The following MTA3 variants were observed in gnomAD, a reference collection of about 807,000 sequenced individuals.
MTA3 encodes the protein metastasis-associated protein MTA3.
MTA3 carries 34 observed loss-of-function variants against 83.5 expected under a neutral mutation model. The observed-to-expected ratio is 0.41, with a 90% CI of 0.31 to 0.54. MTA3 has a LOEUF of 0.54. MTA3 is among the 20% of genes least tolerant of loss of function. The pLI is 0.33. For synonymous variants in MTA3, 303 were observed against 252.7 expected (o/e 1.20, Z -1.89); for missense variants, 761 against 726.4 (o/e 1.05, Z -0.55).
chr2:42,753,226 G>C, intron 16 of MTA3, 148 bp from the exon 17 acceptor site: 1 of 1,419,176 alleles, frequency 7.0e-7, no homozygotes, highest in Admixed American at 2.1e-5. Context: ...ACCACACCTG[G>C]CCTAGTCATG....
intron 11 of MTA3, among the ~76,000 whole-genome samples, chr2:42,701,585 A>G (rs1665563236): frequency 6.6e-6 from 1 of 152,040 alleles, no homozygotes; most frequent in Non-Finnish European, 1.5e-5. Flanking sequence ...TGACAGAGTG[A>G]GACCCTCTCT....
intron 4 of MTA3, among the ~76,000 whole-genome samples, chr2:42,619,889 C>T (rs989438281): frequency 2.0e-5 from 3 of 152,052 alleles, no homozygotes; most frequent in Non-Finnish European, 4.4e-5. Context: ...TAGTTGTGTT[C>T]TAGAACGCTG....
chr2:42,658,338 C>G (rs1194424802), intron 7 of MTA3, among the ~76,000 whole-genome samples: 8 of 152,088 alleles, frequency 5.3e-5, no homozygotes, highest in African/African-American at 1.9e-4. Context: ...AATGCATATA[C>G]CTTTGCACCA....
At chr2:42,527,114 T>C (rs1572927073) in intron 2 of MTA3, among the ~76,000 whole-genome samples, 1 of 138,374 alleles carries the variant, frequency 7.2e-6, no homozygotes, top group South Asian at 2.3e-4. Context: ...AGGTTACAAA[T>C]GTACTCCGAG....
intron 2 of MTA3, among the ~76,000 whole-genome samples, chr2:42,539,577 C>CTTTTT (rs34577240): frequency 1.8e-4 from 17 of 96,658 alleles, no homozygotes; most frequent in Admixed American, 2.4e-4. Context: ...AATTGTAAAG[C>CTTTTT]TTTTTTTTTT....
chr2:42,713,748 A>G (rs1041508494), intron 14 of MTA3, among the ~76,000 whole-genome samples: 3 of 152,216 alleles, frequency 2.0e-5, no homozygotes, highest in African/African-American at 7.2e-5. Flanking sequence ...GTGCCACTGT[A>G]TTGAAAACTG....
intron 3 of MTA3, among the ~76,000 whole-genome samples, chr2:42,583,523 T>C (rs1374772452): frequency 2.6e-5 from 4 of 152,162 alleles, no homozygotes; most frequent in Non-Finnish European, 4.4e-5. Flanking sequence ...TAAAAAACTC[T>C]TCTCATTATG....
intron 9 of MTA3, among the ~76,000 whole-genome samples, chr2:42,691,992 C>T (rs548577994): frequency 1.6e-4 from 25 of 152,178 alleles, no homozygotes; most frequent in African/African-American, 5.5e-4. Context: ...TATTGAATAT[C>T]GATGTTAATA....
intron 16 of MTA3, among the ~76,000 whole-genome samples, chr2:42,738,829 G>A (rs1558633631): frequency 6.6e-6 from 1 of 152,174 alleles, no homozygotes; most frequent in African/African-American, 2.4e-5. Context: ...GGTTGAGACT[G>A]CAGGGGTGAA....
At chr2:42,532,274 G>A (rs1676015561) in intron 2 of MTA3, among the ~76,000 whole-genome samples, 1 of 152,206 alleles carries the variant, frequency 6.6e-6, no homozygotes, top group Non-Finnish European at 1.5e-5. Flanking sequence ...ACTTTGAGAG[G>A]TTGAGATGGG....
intron 2 of MTA3, chr2:42,511,990 C>G (rs1475708484): frequency 6.6e-6 from 1 of 151,764 alleles, no homozygotes; most frequent in Non-Finnish European, 1.5e-5. Flanking sequence ...GCACTCCAGC[C>G]TGGGCGACAG....
At chr2:42,736,540 A>C (rs1420693528) in intron 16 of MTA3, among the ~76,000 whole-genome samples, 2 of 152,278 alleles carry the variant, frequency 1.3e-5, no homozygotes, top group Middle Eastern at 3.4e-3. Flanking sequence ...CTGTGACCCC[A>C]AGTAGGTCCA....
chr2:42,518,440 T>TCC (rs1253641203), intron 2 of MTA3, among the ~76,000 whole-genome samples: 1 of 152,174 alleles, frequency 6.6e-6, no homozygotes, highest in East Asian at 1.9e-4. Context: ...CGAAAGAGCT[T>TCC]CCCATGGCCA....
chr2:42,705,372 A>G (rs942039115), intron 12 of MTA3, among the ~76,000 whole-genome samples: 1 of 152,216 alleles, frequency 6.6e-6, no homozygotes, highest in South Asian at 2.1e-4. Context: ...AAATGAAAAG[A>G]ATCCTGCAGA....
intron 8 of MTA3, among the ~76,000 whole-genome samples, chr2:42,680,515 G>C (rs927626840): frequency 6.6e-6 from 1 of 152,178 alleles, no homozygotes; most frequent in Admixed American, 6.5e-5. Flanking sequence ...AGAAAGTCTG[G>C]GTGGGGGTGA....
chr2:42,644,074 T>C (rs755327802), intron 5 of MTA3, 53 bp from the exon 6 acceptor site: 39 of 1,092,546 alleles, frequency 3.6e-5, no homozygotes, highest in Non-Finnish European at 4.9e-5. Context: ...TTTAATGCTT[T>C]ATAAGAAGTA....
rs765393148 is a variant in MTA3, at chr2:42,656,249, T to A, written c.549T>A (p.Asp183Glu). The change falls in exon 7 of 17, where the codon GAT (aspartate) becomes GAA (glutamate). Residue 183 changes from aspartate to glutamate, a missense_variant. Physicochemically the swap from Asp to Glu is conservative, Grantham distance 45. Transcript: ENST00000405094. ...EQSKLEVKVW[D>E]PNSPLTDRQI... ...CAAAATTGGAAGTTAAAGTTTGGGA[T>A]CCAAATAGCCCACTTACGGATCGAC... 40 of 1,613,720 alleles carry A rather than the reference T, an allele frequency of 2.5e-5. No individual in the cohort carries two copies. The highest frequency in any genetic ancestry group is 1.6e-4 in the Middle Eastern group (1 of 6,082).
At chr2:42,649,310 T>C (rs950802192) in intron 6 of MTA3, among the ~76,000 whole-genome samples, 6 of 151,924 alleles carry the variant, frequency 3.9e-5, no homozygotes, top group Admixed American at 1.3e-4. Flanking sequence ...GGCAGGAGAA[T>C]TGCTTGAACC....
At chr2:42,575,251 C>T (rs1031739427) in intron 2 of MTA3, among the ~76,000 whole-genome samples, 1 of 152,132 alleles carries the variant, frequency 6.6e-6, no homozygotes, top group African/African-American at 2.4e-5. Context: ...TTTTCCATAT[C>T]ATTTATCACC....
Sources: allele counts gnomAD v4.1 joint callset (sites outside exome capture counted in the v4.1 genomes callset), GRCh38; gene constraint gnomAD v4.1.1; transcripts MANE v1.5; gene names NCBI Gene and HGNC (gene_info 2026-07-23, HGNC 2026-07-21).